PCDHGA9: variants seen among roughly 807,000 people sequenced by gnomAD.
The protein encoded by PCDHGA9 is protocadherin gamma subfamily A, 9.
PCDHGA9 carries 37 observed loss-of-function variants against 62.5 expected under a neutral mutation model. The observed-to-expected ratio is 0.59, with a 90% CI of 0.46 to 0.78. PCDHGA9 has a LOEUF of 0.78. Among genes scored for constraint, PCDHGA9 ranks in the 30% least tolerant of loss-of-function variants. The pLI is 0.00. For missense variants in PCDHGA9, 1,138 were observed against 1,166.2 expected (o/e 0.98, Z 0.35); for synonymous variants, 459 against 484.6 (o/e 0.95, Z 0.69).
intron 2 of PCDHGA9, among the ~76,000 whole-genome samples, chr5:141,501,703 G>A (rs183907124): frequency 6.6e-6 from 1 of 152,088 alleles, no homozygotes; most frequent in Non-Finnish European, 1.5e-5. Flanking sequence ...GTGATTCCGA[G>A]GATAAAAAAG....
intron 1 of PCDHGA9, among the ~76,000 whole-genome samples, chr5:141,479,036 G>C (rs1202411463): frequency 1.3e-5 from 2 of 152,012 alleles, no homozygotes; most frequent in Non-Finnish European, 2.9e-5. Flanking sequence ...TATACAGATC[G>C]TGTACCTCAT....
chr5:141,418,785 T>C, intron 1 of PCDHGA9: 1 of 1,613,862 alleles, frequency 6.2e-7, no homozygotes, highest in African/African-American at 1.3e-5. Flanking sequence ...CCTTTGGATT[T>C]TGAAGAAGTA....
intron 1 of PCDHGA9, chr5:141,409,680 C>T (rs756713114): frequency 1.9e-6 from 3 of 1,613,242 alleles, no homozygotes; most frequent in African/African-American, 1.3e-5. Context: ...TCTATAGTGG[C>T]GAGTGACCTA....
rs1314002801 is a variant in PCDHGA9, at chr5:141,404,662, T to G, written c.1710T>G (p.Asp570Glu). 6.2e-7 allele frequency: 1 copy of G among 1,614,208 alleles called. No homozygotes were observed. Among genetic ancestry groups the G allele is most frequent in the East Asian group, 2.2e-5 (1 of 44,878 alleles). The change falls in exon 1 of 4, where the codon GAT becomes GAG. Residue 570 changes from aspartate (D) to glutamate (E), a missense_variant. By Grantham distance (45) the Asp-to-Glu change is conservative. Coordinates refer to ENST00000573521, the MANE Select transcript of PCDHGA9 (RefSeq NM_018921.3). ...TCCTGTACCCTGCCCTCCCCACTGATGGTTCTACTGGTGTGGAGCTGGCAC... is the reference window on the plus strand; with the variant it reads ...TCCTGTACCCTGCCCTCCCCACTGAGGGTTCTACTGGTGTGGAGCTGGCAC... ...PEILYPALPT[D>E]GSTGVELAPR... is the part of the protein sequence containing the mutation.
rs1387677265 is a variant in PCDHGA9 at position 141,486,434 on chromosome 5, T to C, written c.2425-8373T>C. 3 of 1,614,150 alleles carry C rather than the reference T, an allele frequency of 1.9e-6. No homozygotes were observed. The highest frequency in any genetic ancestry group is 2.5e-6 in the Non-Finnish European group (3 of 1,179,986). The stretch of plus-strand genomic sequence containing the variant: ...CTTGGATCGAGAGGCCAAATCTAGC[T>C]ATGACATCATGGTCACTGCTTCTGA... On this transcript the variant is annotated intron_variant, in intron 1 of 3. Coordinates refer to ENST00000573521, the MANE Select transcript of PCDHGA9 (RefSeq NM_018921.3). This position sits in a 1 kb window ranked among gnomAD's most constrained non-coding sequence, Gnocchi z 5.0.
At chr5:141,406,948 CAT>C (rs777377851) in intron 1 of PCDHGA9, among the ~76,000 whole-genome samples, 2 of 152,096 alleles carry the variant, frequency 1.3e-5, no homozygotes, top group Non-Finnish European at 2.9e-5. Context: ...TTATTTTAAA[CAT>C]AGTGTTGTTT....
intron 1 of PCDHGA9, chr5:141,410,562 C>A (rs748563687): frequency 1.9e-6 from 3 of 1,612,718 alleles, no homozygotes; most frequent in Non-Finnish European, 2.5e-6. Context: ...TCTCCTGGAG[C>A]CTTAATTCCA....
Position 141,405,107 on chromosome 5 carries a change from T to A in PCDHGA9, c.2155T>A (p.Trp719Arg). The change falls in exon 1 of 4, where the codon TGG (tryptophan) becomes AGG (arginine). Residue 719 changes from tryptophan to arginine, a missense_variant. Physicochemically the swap from Trp to Arg is moderately radical, Grantham distance 101. Transcript: ENST00000573521. ...ITLLALRLRH[W>R]HSSHLLRATS... ...GCTGCTGGCCCTCAGGCTGAGGCACTGGCACTCCTCGCATCTGCTGCGGGC... is the reference window on the plus strand; with the variant it reads ...GCTGCTGGCCCTCAGGCTGAGGCACAGGCACTCCTCGCATCTGCTGCGGGC... 1 of 1,613,998 alleles carries A rather than the reference T, an allele frequency of 6.2e-7. No individual in the cohort carries two copies. The highest frequency in any genetic ancestry group is 1.3e-5 in the African/African-American group (1 of 75,074).
intron 1 of PCDHGA9, chr5:141,422,667 G>A (rs1283968031): frequency 1.9e-6 from 3 of 1,607,536 alleles, no homozygotes; most frequent in South Asian, 1.1e-5. Context: ...CCCTCGACCC[G>A]GACAGCAAAC....
intron 1 of PCDHGA9, among the ~76,000 whole-genome samples, chr5:141,433,747 G>A (rs566709728): frequency 1.3e-5 from 2 of 150,990 alleles, no homozygotes; most frequent in East Asian, 4.0e-4. Context: ...TGAGTCAGGA[G>A]AATTGCTTTA....
chr5:141,415,045 G>T, intron 1 of PCDHGA9: 1 of 1,613,538 alleles, frequency 6.2e-7, no homozygotes, highest in East Asian at 2.2e-5. Context: ...CTTCGCGGTG[G>T]GGGAGCACAC....
chr5:141,447,516 A>G (rs997127013), intron 1 of PCDHGA9, among the ~76,000 whole-genome samples: 1 of 152,220 alleles, frequency 6.6e-6, no homozygotes, highest in African/African-American at 2.4e-5. Flanking sequence ...ATGCATAACA[A>G]TCATAACAAA....
At chr5:141,416,711 C>G (rs962144454) in intron 1 of PCDHGA9, 1 of 152,152 alleles carries the variant, frequency 6.6e-6, no homozygotes, top group South Asian at 2.1e-4. Context: ...ATTGGAGGTA[C>G]TGATGAGTTC....
intron 1 of PCDHGA9, among the ~76,000 whole-genome samples, chr5:141,460,120 A>C (rs1404213559): frequency 1.3e-5 from 2 of 151,956 alleles, no homozygotes; most frequent in Non-Finnish European, 2.9e-5. Flanking sequence ...ATTTTTATAT[A>C]TGTAATATAT....
chr5:141,403,074 A>G lies in PCDHGA9; in HGVS notation c.122A>G (p.Lys41Arg), dbSNP rs777613681. The change falls in exon 1 of 4, where the codon AAG (lysine) becomes AGG (arginine). Residue 41 changes from lysine to arginine, a missense_variant. Lys to Arg is a conservative substitution (Grantham distance 26, BLOSUM62 2). Coordinates refer to ENST00000573521, the MANE Select transcript of PCDHGA9 (RefSeq NM_018921.3). ...IRYSVPEETE[K>R]GYIVGNISKD... ...TACTCAGTGCCTGAAGAGACAGAAA[A>G]GGGCTATATTGTGGGCAACATCTCC... is the stretch of plus-strand genomic sequence containing the variant. 9 of 1,614,088 alleles carry G rather than the reference A, an allele frequency of 5.6e-6. No individual in the cohort carries two copies. The highest frequency in any genetic ancestry group is 6.8e-6 in the Non-Finnish European group (8 of 1,179,910).
chr5:141,474,486 C>G (rs531956129), intron 1 of PCDHGA9, among the ~76,000 whole-genome samples: 11 of 152,326 alleles, frequency 7.2e-5, no homozygotes, highest in African/African-American at 2.4e-4. Context: ...TAAATGTATT[C>G]TATCTTCTAA....
chr5:141,503,713 C>T (rs867005984), intron 2 of PCDHGA9, among the ~76,000 whole-genome samples: 6 of 152,134 alleles, frequency 3.9e-5, no homozygotes, highest in Non-Finnish European at 8.8e-5. Context: ...TCCCCTTCAA[C>T]CCTAGCTTTA....
At chr5:141,413,080 A>G (rs2095603656) in intron 1 of PCDHGA9, 3 of 1,298,546 alleles carry the variant, frequency 2.3e-6, no homozygotes, top group Non-Finnish European at 3.2e-6. Context: ...TGCCCAGGCT[A>G]CAGAGACACC....
intron 1 of PCDHGA9, among the ~76,000 whole-genome samples, chr5:141,447,600 T>G (rs769487703): frequency 6.6e-6 from 1 of 151,992 alleles, no homozygotes; most frequent in Non-Finnish European, 1.5e-5. Flanking sequence ...TCCTATAGAG[T>G]CCTTAGCATT....
Sources: gnomAD v4.1 joint callset for allele counts (sites outside exome capture counted in the v4.1 genomes callset) on GRCh38, gnomAD v4.1.1 for gene constraint, Gnocchi (gnomAD v3.1) non-coding constraint, MANE v1.5 for transcripts, NCBI Gene and HGNC (gene_info 2026-07-23, HGNC 2026-07-21) for gene names.